CHPT1: variants seen among roughly 807,000 people sequenced by gnomAD.
CHPT1 encodes choline phosphotransferase 1.
CHPT1 carries 36 observed loss-of-function variants against 47.6 expected under a neutral mutation model. The observed-to-expected ratio is 0.76, with a 90% CI of 0.58 to 1.00. CHPT1 has a LOEUF of 1.00. Ranked by LOEUF, CHPT1 falls within the 50% of genes least tolerant of loss-of-function variation. The pLI, the probability that CHPT1 is intolerant of heterozygous loss-of-function variation, is 0.00. For missense variants in CHPT1, 458 were observed against 498.1 expected (o/e 0.92, Z 0.77); for synonymous variants, 194 against 186.3 (o/e 1.04, Z -0.33).
rs764233176 is a variant in CHPT1 at position 101,726,349 on chromosome 12, C to T, written c.1121C>T (p.Ser374Leu). The change falls in exon 8 of 9, where the codon TCA becomes TTA. Residue 374 changes from serine to leucine, a missense_variant. Ser to Leu is a moderately radical substitution (Grantham distance 145). Coordinates refer to ENST00000229266, the MANE Select transcript of CHPT1 (RefSeq NM_020244.3). Reference protein sequence around the residue: ...IYFSALCLQISRHLHLNIFKT... With the variant: ...IYFSALCLQILRHLHLNIFKT... ...TTTAGTGCTTTGTGCCTGCAAATTTCAAGACACCTTCATCTAAATATATTC... is the reference window on the plus strand; with the variant it reads ...TTTAGTGCTTTGTGCCTGCAAATTTTAAGACACCTTCATCTAAATATATTC... The T allele has an allele frequency of 1.2e-6, 2 of 1,613,294 alleles. No individual in the cohort carries two copies. Among genetic ancestry groups the T allele is most frequent in the Non-Finnish European group, 1.7e-6 (2 of 1,179,572 alleles).
chr12:101,727,330 T>TATC (rs1332682011), intron 8 of CHPT1: 31 of 152,298 alleles, frequency 2.0e-4, no homozygotes, highest in Non-Finnish European at 4.4e-4. Context: ...TACTGATACT[T>TATC]ATCTTTCCAC....
At chr12:101,707,125 C>T (rs1265989310) in intron 1 of CHPT1, among the ~76,000 whole-genome samples, 2 of 152,090 alleles carry the variant, frequency 1.3e-5, no homozygotes, top group African/African-American at 2.4e-5. Context: ...GGTTTGTGTC[C>T]TTTGATTTCT....
chr12:101,705,204 C>G (rs1402055230), intron 1 of CHPT1, among the ~76,000 whole-genome samples: 1 of 135,146 alleles, frequency 7.4e-6, no homozygotes, highest in Non-Finnish European at 1.5e-5. Context: ...GCTGGGATTA[C>G]AGGTGTGCAC....
At chr12:101,723,395 T>C in intron 6 of CHPT1, 69 bp downstream of exon 6, 1 of 976,380 alleles carries the variant, frequency 1.0e-6, no homozygotes, top group South Asian at 1.7e-5. Flanking sequence ...TGGAAATTAT[T>C]TCATAAAATG....
chr12:101,713,617 CTGTTTTT>C (rs376698412), intron 1 of CHPT1, among the ~76,000 whole-genome samples: 206 of 152,176 alleles, frequency 1.4e-3, no homozygotes, highest in African/African-American at 4.3e-3. Context: ...TGTTTGAAAA[CTGTTTTT>C]TGTTTTTTGT....
chr12:101,722,707 T>TAAAAAAAAAAAAAAA (rs10605402), intron 5 of CHPT1, among the ~76,000 whole-genome samples: 1 of 113,768 alleles, frequency 8.8e-6, no homozygotes, highest in African/African-American at 3.0e-5. Flanking sequence ...CACAAAAAAT[T>TAAAAAAAAAAAAAAA]AAAAAAAAAA....
Position 101,729,061 on chromosome 12 carries a change from A to G in CHPT1, c.*116A>G. On this transcript the variant is annotated 3_prime_UTR_variant, in exon 9 of 9. Transcript: ENST00000229266. ...CCTATTTCAGCAAATAAAATATTTC[A>G]TTGCTTATATTAATCCTTATTTTTT... 2 of 1,606,174 alleles carry G rather than the reference A, an allele frequency of 1.2e-6. No homozygotes were observed. Among genetic ancestry groups the G allele is most frequent in the Non-Finnish European group, 1.7e-6 (2 of 1,173,934 alleles).
intron 1 of CHPT1, among the ~76,000 whole-genome samples, chr12:101,699,581 T>C (rs541594169): frequency 8.6e-5 from 13 of 151,802 alleles, no homozygotes; most frequent in Non-Finnish European, 1.6e-4. Context: ...AGAGACGGGG[T>C]TTCACCATAT....
rs544323245 is a variant in CHPT1, at chr12:101,709,388, CAAAAAAA to C, written c.274-4686_274-4680del. The stretch of plus-strand genomic sequence containing the variant: ...CTGGGCAACAGAGTGAGACCTGTGT[CAAAAAAA>C]AAAAAAAAAAAAAAAGTCTAATCTA... On this transcript the variant is annotated intron_variant, in intron 1 of 8. Coordinates refer to ENST00000229266, the MANE Select transcript of CHPT1 (RefSeq NM_020244.3). Among the ~76,000 whole-genome samples, 56 of 71,450 alleles carry C rather than the reference CAAAAAAA, an allele frequency of 7.8e-4. 3 individuals are homozygous for C. The highest frequency in any genetic ancestry group is 1.2e-3 in the Non-Finnish European group (42 of 33,714). The allele number at this position is 71,450 out of a possible 152,430, so 46.9% of individuals were successfully genotyped here.
At chr12:101,728,422 T>C (rs1454313499) in intron 8 of CHPT1, 1 of 156,484 alleles carries the variant, frequency 6.4e-6, no homozygotes, top group Non-Finnish European at 1.4e-5. Flanking sequence ...TATTGTTCTA[T>C]TGCTAGTGAT....
chr12:101,697,851 C>T lies in CHPT1; in HGVS notation c.-11C>T. 9.0e-7 allele frequency: 1 copy of T among 1,113,980 alleles called. No individual in the cohort carries two copies. Among genetic ancestry groups the T allele is most frequent in the African/African-American group, 1.7e-5 (1 of 60,328 alleles). The allele number at this position is 1,113,980 out of a possible 1,614,324, so 69.0% of individuals were successfully genotyped here. On this transcript the variant is annotated 5_prime_UTR_variant, in exon 1 of 9. Coordinates refer to ENST00000229266, the MANE Select transcript of CHPT1 (RefSeq NM_020244.3). ...TGCGCTCGGTGGCGGCGGCGGGGCC[C>T]TCAGGCGGCCATGGCGGCAGGCGCC...
intron 1 of CHPT1, among the ~76,000 whole-genome samples, chr12:101,700,069 C>A (rs1252993716): frequency 2.0e-5 from 3 of 152,130 alleles, no homozygotes; most frequent in Non-Finnish European, 4.4e-5. Flanking sequence ...TATCAGACAA[C>A]ATCCTGAAAA....
intron 4 of CHPT1, chr12:101,719,597 C>T: frequency 1.0e-6 from 1 of 978,024 alleles, no homozygotes; most frequent in Non-Finnish European, 1.4e-6. Flanking sequence ...ATATTTGTTA[C>T]ATTTATGATG....
intron 4 of CHPT1, 62 bp downstream of exon 4, chr12:101,716,874 C>T: frequency 4.0e-6 from 4 of 1,008,922 alleles, no homozygotes; most frequent in Non-Finnish European, 4.3e-6. Flanking sequence ...AAAAGTATTG[C>T]ATTGTTAATT....
chr12:101,727,455 T>C (rs1483412768), intron 8 of CHPT1: 1 of 150,848 alleles, frequency 6.6e-6, no homozygotes, highest in African/African-American at 2.4e-5. Context: ...TTTAATTTTA[T>C]ATAATAGTTC....
At position 101,709,587 on chromosome 12, in the gene CHPT1, AAG is replaced by A. The variant is rs1342206557; in HGVS notation, c.274-4499_274-4498del. Among the ~76,000 whole-genome samples the A allele has an allele frequency of 1.3e-5, 2 of 148,390 alleles. 1 individual carries two copies. The highest frequency in any genetic ancestry group is 1.4e-4 in the Admixed American group (2 of 14,498). On this transcript the variant is annotated intron_variant, in intron 1 of 8. Transcript: ENST00000229266. ...GAATGGAGGTGGTGACCAAAGGAAA[AAG>A]AGAAGATAGGTCTGGCTCCTGAGGC...
rs755424899 is a variant in CHPT1, at chr12:101,714,559, GT to G, written c.485del (p.Phe162SerfsTer23). The G allele has an allele frequency of 4.3e-6, 7 of 1,610,630 alleles. No individual in the cohort carries two copies. Among genetic ancestry groups the G allele is most frequent in the South Asian group, 2.2e-5 (2 of 90,728 alleles). ...AARLGTYPDW[F>X]FFCSFIGMFV... ...CTCGCTTAGGAACTTATCCTGACTG[GT>G]TTTTTTTCTGCTCTTTTATTGGGAT... On this transcript the variant is annotated frameshift_variant, in exon 3 of 9. Transcript: ENST00000229266. LOFTEE classifies it high-confidence loss of function.
intron 3 of CHPT1, 138 bp downstream of exon 3, chr12:101,714,783 G>C: frequency 1.3e-6 from 1 of 755,266 alleles, no homozygotes; most frequent in Non-Finnish European, 2.0e-6. Flanking sequence ...ACTCATAAAT[G>C]CTACACCTTA....
At chr12:101,698,904 A>G (rs890465163) in intron 1 of CHPT1, among the ~76,000 whole-genome samples, 1 of 152,208 alleles carries the variant, frequency 6.6e-6, no homozygotes, top group African/African-American at 2.4e-5. Flanking sequence ...TCTATAGTTT[A>G]TACTACGTGG....
Sources: gnomAD v4.1 joint callset for allele counts (sites outside exome capture counted in the v4.1 genomes callset) on GRCh38, gnomAD v4.1.1 for gene constraint, MANE v1.5 for transcripts, NCBI Gene and HGNC (gene_info 2026-07-23, HGNC 2026-07-21) for gene names.